The following CTIF variants were observed in gnomAD, a reference collection of about 807,000 sequenced individuals.
CTIF encodes the protein cap binding complex dependent translation initiation factor.
A neutral mutation model predicts 66.0 loss-of-function variants in CTIF; 21 were observed. The observed-to-expected ratio is 0.32, with a 90% CI of 0.23 to 0.46. CTIF has a LOEUF of 0.46. CTIF is among the 20% of genes least tolerant of loss of function. The pLI, the probability that CTIF is intolerant of heterozygous loss-of-function variation, is 1.00. For synonymous variants in CTIF, 345 were observed against 326.4 expected, an observed-to-expected ratio of 1.06 and a Z score of -0.62; for missense variants, 739 against 812.7, an observed-to-expected ratio of 0.91 and a Z score of 1.10.
intron 6 of CTIF, among the ~76,000 whole-genome samples, chr18:48,686,368 G>A (rs1434286714): frequency 6.6e-6 from 1 of 152,120 alleles, no homozygotes; most frequent in Non-Finnish European, 1.5e-5. Flanking sequence ...TATTCTTTGA[G>A]CACTTCTTGA....
intron 6 of CTIF, among the ~76,000 whole-genome samples, chr18:48,677,184 C>G (rs566736499): frequency 3.9e-5 from 6 of 152,176 alleles, no homozygotes; most frequent in Admixed American, 2.6e-4. Context: ...TAAAGTGCCC[C>G]GAGACACCCA....
intron 3 of CTIF, among the ~76,000 whole-genome samples, 167 bp downstream of exon 3, chr18:48,636,852 C>A (rs1309878745): frequency 6.6e-6 from 1 of 152,094 alleles, no homozygotes; most frequent in African/African-American, 2.4e-5. Context: ...TAACTCCCTG[C>A]CCACAGGGAA....
In CTIF at chr18:48,707,248, T is replaced by C. The variant is rs541457921; in HGVS notation, c.508-4371T>C. On this transcript the variant is annotated intron_variant, in intron 6 of 11. Transcript: ENST00000256413. Reference sequence around the variant, plus strand: ...GTGCTTTTAAAGGATACATTTCCCATTTACCATTCAAGGGATCTATCCTTT... The same window carrying C: ...GTGCTTTTAAAGGATACATTTCCCACTTACCATTCAAGGGATCTATCCTTT... Among the ~76,000 whole-genome samples, 5 of 152,316 alleles carry C rather than the reference T, an allele frequency of 3.3e-5. No homozygotes were observed. In the South Asian group the frequency reaches 1.0e-3, roughly 32 times the overall value.
intron 9 of CTIF, among the ~76,000 whole-genome samples, chr18:48,814,023 T>G (rs1283050912): frequency 6.6e-6 from 1 of 152,220 alleles, no homozygotes; most frequent in Non-Finnish European, 1.5e-5. Flanking sequence ...CCCCTGTCTT[T>G]GGTCTTCTGG....
intron 7 of CTIF, among the ~76,000 whole-genome samples, chr18:48,744,104 T>C (rs1200337213): frequency 2.6e-5 from 4 of 152,146 alleles, no homozygotes; most frequent in Non-Finnish European, 5.9e-5. Flanking sequence ...TTCCCCAAGA[T>C]GTGGGAGGGT....
intron 1 of CTIF, among the ~76,000 whole-genome samples, chr18:48,600,589 T>C (rs1448862996): frequency 1.3e-5 from 2 of 151,904 alleles, no homozygotes; most frequent in African/African-American, 4.8e-5. Context: ...CAGGCGTTTG[T>C]TGCGCTTTGA....
chr18:48,763,667 C>A (rs554036931), intron 9 of CTIF, among the ~76,000 whole-genome samples: 9 of 152,322 alleles, frequency 5.9e-5, no homozygotes, highest in East Asian at 5.8e-4. Context: ...AGACCTGATT[C>A]GTTTGTCATC....
At chr18:48,572,132 T>C (rs1568040197) in intron 1 of CTIF, among the ~76,000 whole-genome samples, 2 of 152,024 alleles carry the variant, frequency 1.3e-5, no homozygotes, top group African/African-American at 2.4e-5. Flanking sequence ...TCCTTCCTCT[T>C]TCTTCCTTCC....
chr18:48,578,292 G>A (rs957918506), intron 1 of CTIF, among the ~76,000 whole-genome samples: 1 of 152,162 alleles, frequency 6.6e-6, no homozygotes, highest in South Asian at 2.1e-4. Context: ...GAATGTTCAA[G>A]TACAGGTCTT....
Position 48,811,040 on chromosome 18 carries a change from T to C in CTIF, c.1372-6181T>C, listed in dbSNP as rs75632594. On this transcript the variant is annotated intron_variant, in intron 9 of 11. Coordinates refer to ENST00000256413, the MANE Select transcript of CTIF (RefSeq NM_014772.3). The stretch of plus-strand genomic sequence containing the variant: ...ATTCCCAAGCTTAAGAAAGATGCAA[T>C]AACCTGTGAATCCTTATGGCCTAAA... 1.7e-4 allele frequency among the ~76,000 whole-genome samples: 26 copies of C among 152,252 alleles called. No homozygotes were observed. The East Asian group carries it at 4.4e-3, about 26-fold the overall frequency.
At chr18:48,791,062 CA>C (rs2067782326) in intron 9 of CTIF, among the ~76,000 whole-genome samples, 3 of 152,198 alleles carry the variant, frequency 2.0e-5, no homozygotes, top group Non-Finnish European at 4.4e-5. Context: ...AGGTCATGAG[CA>C]GACCTGGGGC....
chr18:48,616,087 G>A (rs1028898769), intron 1 of CTIF, among the ~76,000 whole-genome samples: 2 of 152,206 alleles, frequency 1.3e-5, no homozygotes, highest in African/African-American at 4.8e-5. Context: ...AGAGGCTGCT[G>A]CTGCAGGCAG....
chr18:48,549,174 G>T (rs912283919), intron 1 of CTIF, among the ~76,000 whole-genome samples: 1 of 152,162 alleles, frequency 6.6e-6, no homozygotes, highest in Non-Finnish European at 1.5e-5. Flanking sequence ...GATGGGGGAG[G>T]TGCTCGTGCA....
At chr18:48,621,466 G>A (rs751691507) in intron 2 of CTIF, 58 of 312,828 alleles carry the variant, frequency 1.9e-4, no homozygotes, top group East Asian at 2.9e-4. Context: ...GGACTGTGTC[G>A]TCAGGAGGTG....
intron 1 of CTIF, among the ~76,000 whole-genome samples, chr18:48,571,004 T>C (rs2089403835): frequency 6.6e-6 from 1 of 152,224 alleles, no homozygotes; most frequent in Admixed American, 6.5e-5. Context: ...ATTGTATACT[T>C]TAAGATGCCT....
chr18:48,632,667 C>G (rs772084971), intron 2 of CTIF, among the ~76,000 whole-genome samples: 1 of 152,172 alleles, frequency 6.6e-6, no homozygotes, highest in Admixed American at 6.5e-5. Context: ...AAGCTGGCCA[C>G]GTTCTACTGA....
intron 10 of CTIF, among the ~76,000 whole-genome samples, chr18:48,847,980 T>TAGGTAC (rs932534171): frequency 6.6e-6 from 1 of 152,176 alleles, no homozygotes; most frequent in African/African-American, 2.4e-5. Context: ...GGTTTGGCTG[T>TAGGTAC]AGGTACAGGT....
chr18:48,622,360 G>A (rs2090511450), intron 2 of CTIF, among the ~76,000 whole-genome samples: 2 of 152,104 alleles, frequency 1.3e-5, no homozygotes. Context: ...GAGAGGGCTG[G>A]GTGTGAGCAT....
chr18:48,807,588 T>G (rs979033436), intron 9 of CTIF, among the ~76,000 whole-genome samples: 16 of 112,484 alleles, frequency 1.4e-4, no homozygotes, highest in African/African-American at 3.8e-4. Flanking sequence ...GTGTTTTTTT[T>G]TTTTTTTTTT....
Sources: gnomAD v4.1 joint callset for allele counts (sites outside exome capture counted in the v4.1 genomes callset) on GRCh38, gnomAD v4.1.1 for gene constraint, MANE v1.5 for transcripts, NCBI Gene and HGNC (gene_info 2026-07-23, HGNC 2026-07-21) for gene names.